The following NFIA variants were observed in gnomAD, a reference collection of about 807,000 sequenced individuals.
NFIA encodes the protein nuclear factor 1 A-type.
Under a neutral mutation model 62.8 loss-of-function variants are expected in NFIA, and 8 were observed. The ratio of observed to expected loss-of-function variants is 0.13; its 90% CI spans 0.07 to 0.23. NFIA has a LOEUF of 0.23. Among genes scored for constraint, NFIA ranks in the 10% least tolerant of loss-of-function variants. NFIA has a pLI of 1.00. For synonymous variants in NFIA, 235 were observed against 238.1 expected (o/e 0.99, Z 0.12); for missense variants, 410 against 642.1 (o/e 0.64, Z 3.91).
chr1:61,437,287 G>A (rs375348791), intron 10 of NFIA, among the ~76,000 whole-genome samples: 18 of 152,280 alleles, frequency 1.2e-4, no homozygotes, highest in Middle Eastern at 3.4e-3. Context: ...ATATGGGGAA[G>A]GAGTGGTACT....
chr1:61,266,297 T>G (rs1161549303), intron 2 of NFIA, among the ~76,000 whole-genome samples: 1 of 152,172 alleles, frequency 6.6e-6, no homozygotes, highest in Non-Finnish European at 1.5e-5. Flanking sequence ...AAACACCTAT[T>G]GACCTTTCCC....
intron 10 of NFIA, among the ~76,000 whole-genome samples, chr1:61,434,525 T>C (rs1226821121): frequency 6.6e-6 from 1 of 152,206 alleles, no homozygotes. Flanking sequence ...AGTTTTAATT[T>C]GGCAGCATGT....
At chr1:61,300,616 CT>C (rs1473974939) in intron 3 of NFIA, among the ~76,000 whole-genome samples, 4 of 151,898 alleles carry the variant, frequency 2.6e-5, no homozygotes, top group Non-Finnish European at 5.9e-5. Context: ...AAATTATAGT[CT>C]TTCTAGTTAC....
chr1:61,220,283 T>TC (rs1441661989), intron 2 of NFIA, among the ~76,000 whole-genome samples: 1 of 152,182 alleles, frequency 6.6e-6, no homozygotes, highest in Non-Finnish European at 1.5e-5. Flanking sequence ...TCATATTGCC[T>TC]CCCTATCCAT....
chr1:61,100,954 C>A (rs1320502944), intron 2 of NFIA, among the ~76,000 whole-genome samples: 13 of 146,328 alleles, frequency 8.9e-5, no homozygotes, highest in Admixed American at 2.1e-4. Flanking sequence ...TTTTTTTTTA[C>A]CATAAAATTG....
chr1:61,264,912 G>A (rs962468570), intron 2 of NFIA, among the ~76,000 whole-genome samples: 6 of 152,204 alleles, frequency 3.9e-5, no homozygotes, highest in Admixed American at 3.9e-4. Flanking sequence ...CGAGAGCACA[G>A]AAGCTCAGTG....
chr1:61,354,260 T>C (rs1447353261), intron 5 of NFIA, among the ~76,000 whole-genome samples: 2 of 152,216 alleles, frequency 1.3e-5, no homozygotes, highest in African/African-American at 2.4e-5. Flanking sequence ...CCCGGTAATA[T>C]GTTTGTTTTA....
chr1:61,175,288 C>G (rs368559035), intron 2 of NFIA, among the ~76,000 whole-genome samples: 5 of 151,956 alleles, frequency 3.3e-5, no homozygotes, highest in African/African-American at 9.7e-5. Context: ...ACTACAAGCT[C>G]GCACCACCAC....
At chr1:61,185,218 A>G (rs187475383) in intron 2 of NFIA, among the ~76,000 whole-genome samples, 116 of 152,280 alleles carry the variant, frequency 7.6e-4, no homozygotes, top group South Asian at 1.4e-3. Flanking sequence ...TAAGCCCACT[A>G]TACCTGTTTC....
intron 2 of NFIA, among the ~76,000 whole-genome samples, chr1:61,198,043 C>T (rs565137819): frequency 6.6e-6 from 1 of 152,220 alleles, no homozygotes; most frequent in Non-Finnish European, 1.5e-5. Context: ...CATAGATAGT[C>T]TATTCCCACT....
chr1:61,219,669 G>C (rs917019584), intron 2 of NFIA, among the ~76,000 whole-genome samples: 1 of 143,624 alleles, frequency 7.0e-6, no homozygotes, highest in Non-Finnish European at 1.5e-5. Flanking sequence ...AGCCGAGATC[G>C]CGCCATTGCC....
chr1:61,453,809 C>A (rs1388947878), intron 10 of NFIA, among the ~76,000 whole-genome samples: 1 of 152,068 alleles, frequency 6.6e-6, no homozygotes, highest in Non-Finnish European at 1.5e-5. Context: ...CCTTTCTCTC[C>A]CCCTCTTCTT....
intron 4 of NFIA, among the ~76,000 whole-genome samples, 161 bp downstream of exon 4, chr1:61,332,747 A>G (rs543744359): frequency 1.2e-4 from 18 of 152,314 alleles, no homozygotes; most frequent in African/African-American, 4.3e-4. Context: ...AAGAATTTAA[A>G]TCAGGAAAAA....
intron 6 of NFIA, among the ~76,000 whole-genome samples, chr1:61,364,071 G>A (rs2207788): frequency 0.83 from 125,601 of 151,830 alleles, 52,059 homozygotes; most frequent in East Asian, 0.95. Flanking sequence ...TCAGCCTCCC[G>A]AGCAGGTAGG....
Position 61,331,870 on chromosome 1 carries a change from T to G in NFIA, c.626-642T>G, listed in dbSNP as rs374366821. On this transcript the variant is annotated intron_variant, in intron 3 of 10. Coordinates refer to ENST00000403491, the MANE Select transcript of NFIA (RefSeq NM_001134673.4). ...AAACAAAGTTCGAAGATTAATCACTTTTTGAACCATTGATTTATTATCTTT... is the reference window on the plus strand; with the variant it reads ...AAACAAAGTTCGAAGATTAATCACTGTTTGAACCATTGATTTATTATCTTT... Among the ~76,000 whole-genome samples, 273 of 152,302 alleles carry G rather than the reference T, an allele frequency of 1.8e-3. 1 individual carries two copies. Among genetic ancestry groups the G allele is most frequent in the African/African-American group, 6.3e-3 (260 of 41,572 alleles).
At chr1:61,301,339 A>T (rs557817163) in intron 3 of NFIA, among the ~76,000 whole-genome samples, 2 of 152,332 alleles carry the variant, frequency 1.3e-5, no homozygotes, top group South Asian at 4.1e-4. Flanking sequence ...CAGGACTTTT[A>T]TAAGAGCTGG....
intron 2 of NFIA, among the ~76,000 whole-genome samples, chr1:61,216,273 CATAGCTT>C (rs1218441834): frequency 6.6e-6 from 1 of 152,096 alleles, no homozygotes; most frequent in African/African-American, 2.4e-5. Context: ...GATGCATCTG[CATAGCTT>C]CAGTAGTTTT....
At chr1:61,197,988 A>G (rs946050716) in intron 2 of NFIA, among the ~76,000 whole-genome samples, 3 of 152,150 alleles carry the variant, frequency 2.0e-5, no homozygotes, top group African/African-American at 7.2e-5. Context: ...CAAGAAAGAA[A>G]GAAAGAGAGA....
At chr1:61,432,572 G>A (rs1313863485) in intron 10 of NFIA, among the ~76,000 whole-genome samples, 1 of 150,442 alleles carries the variant, frequency 6.6e-6, no homozygotes, top group Non-Finnish European at 1.5e-5. Context: ...GATTTCCTTA[G>A]AGGGAAAAAT....
Sources: allele counts gnomAD v4.1 joint callset (sites outside exome capture counted in the v4.1 genomes callset), GRCh38; gene constraint gnomAD v4.1.1; transcripts MANE v1.5; gene names NCBI Gene and HGNC (gene_info 2026-07-23, HGNC 2026-07-21).